Variants in HIVEP3 observed in about 807,000 individuals in gnomAD.
The protein encoded by HIVEP3 is HIVEP zinc finger 3.
HIVEP3 carries 49 observed loss-of-function variants against 152.8 expected under a neutral mutation model. The ratio of observed to expected loss-of-function variants is 0.32; its 90% CI spans 0.26 to 0.41. The LOEUF is 0.41. Among genes scored for constraint, HIVEP3 ranks in the 10% least tolerant of loss-of-function variants. HIVEP3 has a pLI of 1.00. For synonymous variants in HIVEP3, 1,269 were observed against 1,289.0 expected (o/e 0.98, Z 0.33); for missense variants, 2,790 against 3,103.3 (o/e 0.90, Z 2.40).
At chr1:41,709,023 T>A (rs1646474578) in intron 1 of HIVEP3, among the ~76,000 whole-genome samples, 1 of 152,294 alleles carries the variant, frequency 6.6e-6, no homozygotes, top group Non-Finnish European at 1.5e-5. Context: ...GGAAAGAGTT[T>A]CTTTGCTAAT....
intron 5 of HIVEP3, among the ~76,000 whole-genome samples, chr1:41,565,715 G>A (rs2149092752): frequency 1.3e-5 from 2 of 152,246 alleles, no homozygotes; most frequent in Admixed American, 1.3e-4. Context: ...CAGTGTCCAG[G>A]ACCAGAGGAT....
At chr1:41,659,580 C>T (rs1645680691) in intron 2 of HIVEP3, among the ~76,000 whole-genome samples, 1 of 152,192 alleles carries the variant, frequency 6.6e-6, no homozygotes, top group Non-Finnish European at 1.5e-5. Context: ...GACACTCATT[C>T]AATAAATGCT....
intron 5 of HIVEP3, among the ~76,000 whole-genome samples, chr1:41,556,058 C>T (rs779080845): frequency 3.9e-5 from 6 of 152,158 alleles, no homozygotes; most frequent in Non-Finnish European, 8.8e-5. Flanking sequence ...GGGTTGCTTC[C>T]AGCTTTTGAC....
At chr1:41,801,637 C>T (rs1054435712) in intron 1 of HIVEP3, among the ~76,000 whole-genome samples, 3 of 151,920 alleles carry the variant, frequency 2.0e-5, no homozygotes, top group Non-Finnish European at 4.4e-5. Context: ...CCCAGCTACT[C>T]GGGAGGCTGA....
chr1:41,560,187 T>C (rs1189808592), intron 5 of HIVEP3, among the ~76,000 whole-genome samples: 1 of 152,216 alleles, frequency 6.6e-6, no homozygotes, highest in South Asian at 2.1e-4. Context: ...CAAATGCCAT[T>C]TCACTTAATC....
intron 2 of HIVEP3, among the ~76,000 whole-genome samples, chr1:41,680,296 T>C (rs1558174222): frequency 6.6e-6 from 1 of 152,222 alleles, no homozygotes; most frequent in Non-Finnish European, 1.5e-5. Context: ...GAGGATACCT[T>C]AGATTCTGGC....
At chr1:42,014,709 C>A (rs1035974061) in intron 1 of HIVEP3, among the ~76,000 whole-genome samples, 1 of 152,160 alleles carries the variant, frequency 6.6e-6, no homozygotes, top group African/African-American at 2.4e-5. Context: ...AAAATTCACT[C>A]TAAATGCTAT....
intron 1 of HIVEP3, among the ~76,000 whole-genome samples, chr1:41,950,792 A>C (rs114806009): frequency 0.016 from 2,443 of 152,354 alleles, 40 homozygotes; most frequent in Non-Finnish European, 0.021. Context: ...TACTGCCCTA[A>C]AAACTTAAAG....
At chr1:41,770,892 G>T (rs1648310881) in intron 1 of HIVEP3, among the ~76,000 whole-genome samples, 1 of 152,082 alleles carries the variant, frequency 6.6e-6, no homozygotes, top group Non-Finnish European at 1.5e-5. Context: ...TTGTAAGATG[G>T]CTACATTAGG....
chr1:41,976,320 G>A (rs1645258879), intron 1 of HIVEP3, among the ~76,000 whole-genome samples: 1 of 145,944 alleles, frequency 6.9e-6, no homozygotes, highest in South Asian at 2.1e-4. Flanking sequence ...CAGGCTCAGA[G>A]GGGATGAGCA....
chr1:41,596,695 A>G (rs1264622833), intron 3 of HIVEP3, among the ~76,000 whole-genome samples: 1 of 152,194 alleles, frequency 6.6e-6, no homozygotes, highest in African/African-American at 2.4e-5. Flanking sequence ...CTTTTTATAG[A>G]TGGGGGCAGG....
chr1:41,857,983 A>ATCAATCTCTCTCTCTC (rs1553123644), intron 1 of HIVEP3, among the ~76,000 whole-genome samples: 1 of 148,484 alleles, frequency 6.7e-6, no homozygotes, highest in African/African-American at 2.5e-5. Context: ...CAATCAATCA[A>ATCAATCTCTCTCTCTC]TCTCTCTCTC....
chr1:41,631,326 T>C (rs768926529), intron 2 of HIVEP3, among the ~76,000 whole-genome samples: 2 of 152,118 alleles, frequency 1.3e-5, no homozygotes, highest in South Asian at 2.1e-4. Context: ...GGGCTAAGAA[T>C]GGTGAGTGCC....
chr1:41,593,083 TCCAAAGA>T (rs377614709), intron 3 of HIVEP3, among the ~76,000 whole-genome samples: 1 of 152,338 alleles, frequency 6.6e-6, no homozygotes, highest in African/African-American at 2.4e-5. Context: ...GACCAGAAGT[TCCAAAGA>T]CCAACGACAG....
intron 5 of HIVEP3, among the ~76,000 whole-genome samples, chr1:41,525,797 C>T (rs1041352861): frequency 3.3e-5 from 5 of 152,172 alleles, no homozygotes; most frequent in Admixed American, 3.3e-4. Flanking sequence ...ATGAAGCTGT[C>T]TTGTTGGTCT....
At chr1:41,884,786 G>A (rs909763174) in intron 1 of HIVEP3, among the ~76,000 whole-genome samples, 2 of 151,616 alleles carry the variant, frequency 1.3e-5, no homozygotes, top group African/African-American at 4.9e-5. Flanking sequence ...CTCTGCTCCA[G>A]CACCCCCACC....
At chr1:41,995,281 G>A (rs1483160716) in intron 1 of HIVEP3, among the ~76,000 whole-genome samples, 1 of 152,082 alleles carries the variant, frequency 6.6e-6, no homozygotes, top group African/African-American at 2.4e-5. Flanking sequence ...GAAAACCAGA[G>A]AAAATTAAGA....
intron 1 of HIVEP3, among the ~76,000 whole-genome samples, chr1:41,961,255 T>A (rs758341699): frequency 2.0e-5 from 3 of 152,220 alleles, no homozygotes; most frequent in Non-Finnish European, 4.4e-5. Flanking sequence ...ATCATCAGAC[T>A]GTAACTGCAT....
intron 5 of HIVEP3, among the ~76,000 whole-genome samples, chr1:41,545,016 AC>A (rs1643696273): frequency 9.5e-6 from 1 of 105,660 alleles, no homozygotes; most frequent in Non-Finnish European, 2.1e-5. Context: ...CACCACCACC[AC>A]TACCACCACC....
Sources: gnomAD v4.1 joint callset for allele counts (sites outside exome capture counted in the v4.1 genomes callset) on GRCh38, gnomAD v4.1.1 for gene constraint, MANE v1.5 for transcripts, NCBI Gene and HGNC (gene_info 2026-07-23, HGNC 2026-07-21) for gene names.